The following DPP10 variants were observed in gnomAD, a reference collection of about 807,000 sequenced individuals.
The protein encoded by DPP10 is dipeptidyl peptidase like 10.
Under a neutral mutation model 120.9 loss-of-function variants are expected in DPP10, and 33 were observed. The ratio of observed to expected loss-of-function variants is 0.27; its 90% CI spans 0.21 to 0.37. The LOEUF is 0.37. Among genes scored for constraint, DPP10 ranks in the 10% least tolerant of loss-of-function variants. The pLI, the probability that DPP10 is intolerant of heterozygous loss-of-function variation, is 1.00. For missense variants in DPP10, 816 were observed against 942.8 expected (o/e 0.87, Z 1.76); for synonymous variants, 337 against 326.1 (o/e 1.03, Z -0.36).
chr2:115,299,752 A>G (rs1362239065), intron 1 of DPP10, among the ~76,000 whole-genome samples: 2 of 152,158 alleles, frequency 1.3e-5, no homozygotes, highest in Admixed American at 6.6e-5. Context: ...GCACAGATTT[A>G]TATTCCATTT....
At chr2:114,902,631 T>C (rs907104883) in intron 1 of DPP10, among the ~76,000 whole-genome samples, 1 of 152,202 alleles carries the variant, frequency 6.6e-6, no homozygotes, top group Non-Finnish European at 1.5e-5. Flanking sequence ...GCTGGTATTT[T>C]TAAAATAGAC....
intron 1 of DPP10, among the ~76,000 whole-genome samples, chr2:114,928,768 G>A (rs1425990520): frequency 6.6e-6 from 1 of 151,978 alleles, no homozygotes; most frequent in Non-Finnish European, 1.5e-5. Context: ...TGAAATCTAT[G>A]TGGAAGCCTC....
chr2:115,357,295 A>G (rs992661671), intron 3 of DPP10, among the ~76,000 whole-genome samples: 5 of 152,216 alleles, frequency 3.3e-5, no homozygotes, highest in Admixed American at 1.3e-4. Flanking sequence ...CCAAGATACA[A>G]TGGAGGTACA....
chr2:114,941,359 G>C (rs1006185186), intron 1 of DPP10, among the ~76,000 whole-genome samples: 4 of 152,106 alleles, frequency 2.6e-5, no homozygotes, highest in East Asian at 3.9e-4. Context: ...ATACCATTCA[G>C]TTCTAAAATC....
At chr2:114,998,335 C>T (rs918229823) in intron 1 of DPP10, among the ~76,000 whole-genome samples, 6 of 152,248 alleles carry the variant, frequency 3.9e-5, no homozygotes, top group Admixed American at 1.3e-4. Context: ...CCTGATTCTT[C>T]ATAGGACTTT....
At chr2:114,751,598 C>T (rs910104452) in intron 1 of DPP10, among the ~76,000 whole-genome samples, 3 of 152,180 alleles carry the variant, frequency 2.0e-5, no homozygotes, top group Non-Finnish European at 4.4e-5. Flanking sequence ...AGTGATGGTC[C>T]AGGCCCAGGC....
At chr2:114,789,167 T>TACAGATACTCG (rs11273617) in intron 1 of DPP10, among the ~76,000 whole-genome samples, 71,577 of 151,964 alleles carry the variant, frequency 0.47, 17,525 homozygotes, top group African/African-American at 0.58. Flanking sequence ...GCGCCATCAC[T>TACAGATACTCG]GGGATAGTTT....
intron 5 of DPP10, among the ~76,000 whole-genome samples, chr2:115,560,470 AAGG>A (rs2080570709): frequency 8.6e-6 from 1 of 116,112 alleles, no homozygotes; most frequent in East Asian, 2.9e-4. Context: ...ATTTAAGGGC[AAGG>A]AGGAGACGGG....
At position 115,689,937 on chromosome 2, in the gene DPP10, G is replaced by A. The variant is rs766575437; in HGVS notation, c.576+16G>A. 1 of 1,612,540 alleles carries A rather than the reference G, an allele frequency of 6.2e-7. No homozygotes were observed. Among genetic ancestry groups the A allele is most frequent in the South Asian group, 1.1e-5 (1 of 90,914 alleles). On this transcript the variant is annotated intron_variant, in intron 7 of 25. Coordinates refer to ENST00000410059, the MANE Select transcript of DPP10 (RefSeq NM_020868.6). Reference sequence around the variant, plus strand: ...GCAGCAGCTGGTAAGCGCAGGCATTGGTATGCACTGAACACTGCCAATCAT... The same window carrying A: ...GCAGCAGCTGGTAAGCGCAGGCATTAGTATGCACTGAACACTGCCAATCAT...
intron 1 of DPP10, among the ~76,000 whole-genome samples, chr2:114,986,710 T>C (rs984229284): frequency 3.3e-5 from 5 of 152,212 alleles, no homozygotes; most frequent in East Asian, 3.8e-4. Context: ...TCCAAGCATT[T>C]TGAGTATCTG....
chr2:115,131,955 G>C (rs1020632709), intron 1 of DPP10: 1 of 151,766 alleles, frequency 6.6e-6, no homozygotes, highest in East Asian at 1.9e-4. Context: ...AAAATTAGCC[G>C]ATCATGGTGG....
chr2:114,916,449 G>A (rs1413299974), intron 1 of DPP10, among the ~76,000 whole-genome samples: 1 of 152,078 alleles, frequency 6.6e-6, no homozygotes, highest in Non-Finnish European at 1.5e-5. Context: ...CAAAGAGGAG[G>A]TATTACTCTG....
At chr2:115,468,473 C>G (rs564094677) in intron 3 of DPP10, 2 of 435,006 alleles carry the variant, frequency 4.6e-6, no homozygotes, top group African/African-American at 4.0e-5. Context: ...CTTTTATTAA[C>G]CTGCTTACTA....
chr2:114,463,806 C>T (rs556498802), intron 1 of DPP10, among the ~76,000 whole-genome samples: 25 of 152,324 alleles, frequency 1.6e-4, no homozygotes, highest in Admixed American at 7.2e-4. Context: ...TCAACTGTCT[C>T]CCTCCCCAAA....
intron 1 of DPP10, among the ~76,000 whole-genome samples, chr2:115,201,041 C>T (rs2055670682): frequency 6.6e-6 from 1 of 152,150 alleles, no homozygotes; most frequent in African/African-American, 2.4e-5. Flanking sequence ...TTTGGATCAT[C>T]CTCCTAATCC....
In DPP10 at chr2:114,898,521, T is replaced by A. The variant is rs569834176; in HGVS notation, c.61-410718T>A. On this transcript the variant is annotated intron_variant, in intron 1 of 25. Coordinates refer to ENST00000410059, the MANE Select transcript of DPP10 (RefSeq NM_020868.6). ...AATAATAACAAAATAAAAAAAAAAA[T>A]AAAGGTGGTAGGAAATAAATAGTAT... 1.9e-4 allele frequency among the ~76,000 whole-genome samples: 28 copies of A among 150,714 alleles called. No individual in the cohort carries two copies. In the South Asian group the frequency reaches 5.5e-3, roughly 29 times the overall value.
intron 3 of DPP10, among the ~76,000 whole-genome samples, chr2:115,414,436 A>G (rs1045862498): frequency 6.6e-6 from 1 of 152,170 alleles, no homozygotes; most frequent in Non-Finnish European, 1.5e-5. Flanking sequence ...TTTTTGACAC[A>G]TAGTAGGAAA....
intron 3 of DPP10, among the ~76,000 whole-genome samples, chr2:115,370,353 A>G (rs2065328374): frequency 6.6e-6 from 1 of 152,204 alleles, no homozygotes; most frequent in South Asian, 2.1e-4. Flanking sequence ...AATTGATCAT[A>G]TTAGGATGGA....
At chr2:115,187,237 C>G (rs1460460163) in intron 1 of DPP10, among the ~76,000 whole-genome samples, 4 of 150,558 alleles carry the variant, frequency 2.7e-5, no homozygotes, top group African/African-American at 9.8e-5. Flanking sequence ...GGGGTTTCAC[C>G]TTGTTAGCCA....
Sources: allele counts gnomAD v4.1 joint callset (sites outside exome capture counted in the v4.1 genomes callset), GRCh38; gene constraint gnomAD v4.1.1; transcripts MANE v1.5; gene names NCBI Gene and HGNC (gene_info 2026-07-23, HGNC 2026-07-21).